The following CDH9 variants were observed in gnomAD, a reference collection of about 807,000 sequenced individuals.
CDH9 encodes the protein cadherin 9.
A neutral mutation model predicts 70.9 loss-of-function variants in CDH9; 28 were observed. That is an observed-to-expected ratio of 0.40 (90% CI 0.29 to 0.54). The LOEUF (loss-of-function observed/expected upper bound fraction) is 0.54. CDH9 is among the 20% of genes least tolerant of loss of function. CDH9 has a pLI of 0.59. For synonymous variants in CDH9, 409 were observed against 343.1 expected, an observed-to-expected ratio of 1.19 and a Z score of -2.12; for missense variants, 874 against 984.4, an observed-to-expected ratio of 0.89 and a Z score of 1.50.
chr5:27,013,298 T>C (rs1290336312), intron 1 of CDH9, among the ~76,000 whole-genome samples: 2 of 151,966 alleles, frequency 1.3e-5, no homozygotes, highest in Admixed American at 6.6e-5. Context: ...TGTAAAAGTT[T>C]TCTCCTTGCA....
intron 2 of CDH9, among the ~76,000 whole-genome samples, chr5:26,972,901 T>C (rs1438660922): frequency 6.6e-6 from 1 of 151,516 alleles, no homozygotes; most frequent in Non-Finnish European, 1.5e-5. Flanking sequence ...TCTCGCTCTG[T>C]CACCCAGGCT....
intron 2 of CDH9, among the ~76,000 whole-genome samples, chr5:26,925,977 C>A (rs866389106): frequency 6.6e-6 from 1 of 152,108 alleles, no homozygotes; most frequent in Non-Finnish European, 1.5e-5. Context: ...ACACCCACAG[C>A]CAATATCATA....
At chr5:26,909,471 A>G (rs1741009816) in intron 3 of CDH9, among the ~76,000 whole-genome samples, 1 of 151,416 alleles carries the variant, frequency 6.6e-6, no homozygotes, top group African/African-American at 2.4e-5. Flanking sequence ...TGAAACTTGA[A>G]TGACAAATTT....
intron 1 of CDH9, among the ~76,000 whole-genome samples, chr5:27,020,746 AC>A (rs1274654364): frequency 4.4e-5 from 6 of 136,938 alleles, no homozygotes; most frequent in African/African-American, 8.1e-5. Context: ...ACACACACAC[AC>A]TATATATATA....
chr5:26,901,164 C>T (rs1740848148), intron 7 of CDH9, among the ~76,000 whole-genome samples: 1 of 151,782 alleles, frequency 6.6e-6, no homozygotes, highest in African/African-American at 2.4e-5. Context: ...GGTAAAAATC[C>T]TGCCAGAGGT....
chr5:27,002,160 A>T (rs1044235850), intron 1 of CDH9, among the ~76,000 whole-genome samples: 10 of 152,198 alleles, frequency 6.6e-5, no homozygotes, highest in Non-Finnish European at 1.2e-4. Flanking sequence ...GCCAAAAGAC[A>T]CATGAAAAAA....
At chr5:26,897,226 A>G (rs770707398) in intron 7 of CDH9, among the ~76,000 whole-genome samples, 5 of 152,146 alleles carry the variant, frequency 3.3e-5, no homozygotes, top group African/African-American at 4.8e-5. Context: ...TTCACAGCCA[A>G]ATTTTACCAG....
chr5:26,930,144 T>A (rs1343241946), intron 2 of CDH9, among the ~76,000 whole-genome samples: 1 of 152,012 alleles, frequency 6.6e-6, no homozygotes, highest in Non-Finnish European at 1.5e-5. Flanking sequence ...TACATAAATA[T>A]AAAAAATTCA....
At chr5:26,929,616 T>C (rs1229254343) in intron 2 of CDH9, among the ~76,000 whole-genome samples, 1 of 151,894 alleles carries the variant, frequency 6.6e-6, no homozygotes, top group Non-Finnish European at 1.5e-5. Flanking sequence ...GACAAATGGA[T>C]AAAGAAAATG....
intron 2 of CDH9, among the ~76,000 whole-genome samples, chr5:26,931,963 G>A (rs1197393566): frequency 6.6e-6 from 1 of 152,120 alleles, no homozygotes; most frequent in Non-Finnish European, 1.5e-5. Flanking sequence ...TCTATGTTCA[G>A]TGAATTTCAA....
In CDH9 at chr5:26,893,696, A is replaced by ATTTTAT. The variant is rs539873381; in HGVS notation, c.1254-3138_1254-3133dup. ...ATATATATATATTTTATTTTATTTT[A>ATTTTAT]TTTTATTTTTATTTTTGGAAGCAAA... On this transcript the variant is annotated intron_variant, in intron 7 of 11. Coordinates refer to ENST00000231021, the MANE Select transcript of CDH9 (RefSeq NM_016279.4). Among the ~76,000 whole-genome samples the ATTTTAT allele has an allele frequency of 2.7e-3, 366 of 135,666 alleles. 1 individual carries two copies. The highest frequency in any genetic ancestry group is 8.4e-3 in the African/African-American group (328 of 39,032). The allele number at this position is 135,666 out of a possible 152,430, so 89.0% of individuals were successfully genotyped here.
chr5:26,945,921 G>T (rs928580370), intron 2 of CDH9, among the ~76,000 whole-genome samples: 2 of 152,086 alleles, frequency 1.3e-5, no homozygotes, highest in African/African-American at 4.8e-5. Context: ...GAAGGTAGGT[G>T]ACTTTGGTAT....
intron 1 of CDH9, among the ~76,000 whole-genome samples, chr5:27,023,806 C>G (rs757646258): frequency 6.6e-6 from 1 of 152,110 alleles, no homozygotes; most frequent in African/African-American, 2.4e-5. Context: ...AATCACAGCA[C>G]TTTGGGAGGC....
At chr5:26,984,410 C>T (rs753347627) in intron 2 of CDH9, among the ~76,000 whole-genome samples, 7 of 152,006 alleles carry the variant, frequency 4.6e-5, no homozygotes, top group Non-Finnish European at 8.8e-5. Flanking sequence ...AAAATAAATA[C>T]TATGTCTGCT....
At chr5:26,995,021 A>G (rs1465205647) in intron 1 of CDH9, among the ~76,000 whole-genome samples, 1 of 152,046 alleles carries the variant, frequency 6.6e-6, no homozygotes, top group African/African-American at 2.4e-5. Context: ...CCATCCATTC[A>G]TTTCCTTCAC....
rs201758024 is a variant in CDH9, at chr5:26,903,747, C to A, written c.889G>T (p.Val297Leu). The change falls in exon 6 of 12, where the codon GTG (valine) becomes TTG (leucine). Residue 297 changes from valine (V) to leucine (L), a missense_variant. Physicochemically the swap from Val to Leu is conservative, Grantham distance 32. Coordinates refer to ENST00000231021, the MANE Select transcript of CDH9 (RefSeq NM_016279.4). Reference protein sequence around the residue: ...LGRIKANDPDVGENAEMEYSI... With the variant: ...LGRIKANDPDLGENAEMEYSI... ...TACTCCATTTCTGCATTTTCCCCCA[C>A]GTCAGGGTCATTGGCTTTTATCCTT... is the stretch of plus-strand genomic sequence containing the variant. 2.5e-6 allele frequency: 4 copies of A among 1,607,872 alleles called. No individual in the cohort carries two copies. The highest frequency in any genetic ancestry group is 1.1e-5 in the South Asian group (1 of 90,146).
intron 2 of CDH9, among the ~76,000 whole-genome samples, chr5:26,977,543 G>A (rs2112080433): frequency 6.8e-6 from 1 of 147,928 alleles, no homozygotes; most frequent in South Asian, 2.1e-4. Flanking sequence ...AACAAAGACT[G>A]GAAAGATTAC....
intron 1 of CDH9, among the ~76,000 whole-genome samples, chr5:27,023,057 CT>C: frequency 6.6e-6 from 1 of 152,046 alleles, no homozygotes; most frequent in East Asian, 2.0e-4. Context: ...CCTTAGATGT[CT>C]TCTAGCCTCT....
chr5:26,882,059 A>G lies in CDH9; in HGVS notation c.1883-436T>C, dbSNP rs192521452. Among the ~76,000 whole-genome samples the G allele has an allele frequency of 7.2e-5, 11 of 152,196 alleles. No homozygotes were observed. The East Asian group carries it at 2.1e-3, about 29-fold the overall frequency. On this transcript the variant is annotated intron_variant, in intron 11 of 11. Coordinates refer to ENST00000231021, the MANE Select transcript of CDH9 (RefSeq NM_016279.4). ...GGAATATATGCAAAACATTACTCAT[A>G]TATAGATACATATATACTTGTATAT...
Sources: gnomAD v4.1 joint callset for allele counts (sites outside exome capture counted in the v4.1 genomes callset) on GRCh38, gnomAD v4.1.1 for gene constraint, MANE v1.5 for transcripts, NCBI Gene and HGNC (gene_info 2026-07-23, HGNC 2026-07-21) for gene names.